CTNNA1: variants seen among roughly 807,000 people sequenced by gnomAD.
The protein encoded by CTNNA1 is catenin alpha-1.
A neutral mutation model predicts 98.4 loss-of-function variants in CTNNA1; 37 were observed. That is an observed-to-expected ratio of 0.38 (90% confidence interval 0.29 to 0.49). The LOEUF (loss-of-function observed/expected upper bound fraction) is 0.49, where lower values mean the gene tolerates loss of function less well. Ranked by LOEUF, CTNNA1 falls within the 20% of genes least tolerant of loss-of-function variation. The probability of loss-of-function intolerance (pLI) is 0.95; values close to 1 mark genes in which losing one functional copy is unlikely to be tolerated. For missense variants in CTNNA1, 761 were observed against 1,147.2 expected, an observed-to-expected ratio of 0.66 and a Z score of 4.86; for synonymous variants, 404 against 413.2, an observed-to-expected ratio of 0.98 and a Z score of 0.27.
At chr5:138,864,109 C>A (rs746654962) in intron 7 of CTNNA1, among the ~76,000 whole-genome samples, 1 of 152,146 alleles carries the variant, frequency 6.6e-6, no homozygotes, top group Non-Finnish European at 1.5e-5. Flanking sequence ...ACTACAGGTG[C>A]ACCACACCCA....
At chr5:138,867,634 TC>T (rs1316556838) in intron 7 of CTNNA1, among the ~76,000 whole-genome samples, 1 of 152,168 alleles carries the variant, frequency 6.6e-6, no homozygotes, top group Non-Finnish European at 1.5e-5. Context: ...TCCTTTTCTT[TC>T]TCTTCCTTCT....
rs1757730837 is a variant in CTNNA1, at chr5:138,802,966, TA to T, written c.302-7070del. On this transcript the variant is annotated intron_variant, in intron 3 of 17. Coordinates refer to ENST00000302763, the MANE Select transcript of CTNNA1 (RefSeq NM_001903.5). ...GCATGCACCGCCACACTTAGCTAAT[TA>T]ATTTTTTTTTTTTAAATAGAGACAG... 5.1e-5 allele frequency among the ~76,000 whole-genome samples: 4 copies of T among 78,278 alleles called. No homozygotes were observed. The South Asian group carries it at 1.3e-3, about 26-fold the overall frequency. The allele number at this position is 78,278 out of a possible 152,430, so 51.4% of individuals were successfully genotyped here. A position where few individuals can be genotyped will look rare whatever the true frequency, so the allele number is the denominator to read the frequency against.
At chr5:138,899,034 C>G (rs959994778) in intron 9 of CTNNA1, among the ~76,000 whole-genome samples, 3 of 152,176 alleles carry the variant, frequency 2.0e-5, no homozygotes, top group Non-Finnish European at 4.4e-5. Flanking sequence ...CTTTTCAAAT[C>G]TGCCTAATTA....
chr5:138,778,242 C>T (rs1754629586), intron 1 of CTNNA1, among the ~76,000 whole-genome samples: 1 of 152,062 alleles, frequency 6.6e-6, no homozygotes. Flanking sequence ...GATCCACCCG[C>T]CTTGGCCTCC....
intron 7 of CTNNA1, among the ~76,000 whole-genome samples, chr5:138,867,306 T>C (rs1404628558): frequency 6.6e-6 from 1 of 152,170 alleles, no homozygotes; most frequent in African/African-American, 2.4e-5. Context: ...GGGAAAAGGG[T>C]GGCTTTGCCT....
intron 7 of CTNNA1, among the ~76,000 whole-genome samples, chr5:138,842,164 G>A (rs1762326549): frequency 6.6e-6 from 1 of 152,148 alleles, no homozygotes; most frequent in Admixed American, 6.5e-5. Flanking sequence ...GCCGAGCATG[G>A]TGGCACACAC....
At chr5:138,894,641 CTGATTATGATTATGATTA>C (rs111801577) in intron 9 of CTNNA1, among the ~76,000 whole-genome samples, 10 of 150,810 alleles carry the variant, frequency 6.6e-5, no homozygotes, top group African/African-American at 1.7e-4. Flanking sequence ...TAGCAGCCTC[CTGATTATGATTATGATTA>C]TGATTATGAT....
intron 1 of CTNNA1, among the ~76,000 whole-genome samples, chr5:138,776,791 A>C (rs1391768291): frequency 9.0e-6 from 1 of 111,710 alleles, no homozygotes; most frequent in Non-Finnish European, 1.8e-5. Flanking sequence ...GCGGCTGGCC[A>C]GGCGGGGGGC....
At chr5:138,763,715 A>G (rs1752606548) in intron 1 of CTNNA1, among the ~76,000 whole-genome samples, 1 of 152,252 alleles carries the variant, frequency 6.6e-6, no homozygotes, top group Non-Finnish European at 1.5e-5. Flanking sequence ...AGAGGCTAAA[A>G]GGGAGAAGCA....
At chr5:138,812,604 A>G (rs1306800385) in intron 5 of CTNNA1, among the ~76,000 whole-genome samples, 1 of 152,216 alleles carries the variant, frequency 6.6e-6, no homozygotes, top group East Asian at 1.9e-4. Context: ...ATTAACCTGA[A>G]TTAGTGGTGC....
At chr5:138,917,679 G>C (rs190228527) in intron 10 of CTNNA1, 63 bp from the exon 11 acceptor site, 401 of 1,543,920 alleles carry the variant, frequency 2.6e-4, no homozygotes, top group Non-Finnish European at 3.4e-4. Context: ...CTAGTGAAAT[G>C]CATGTAAGAC....
chr5:138,873,035 A>C lies in CTNNA1; in HGVS notation c.1063-13177A>C. On this transcript the variant is annotated intron_variant, in intron 7 of 17. Transcript: ENST00000302763. The surrounding 1 kb of genome is among the most constrained non-coding windows in gnomAD (Gnocchi z 6.1). ...TTATACTTCACATTCTTTGTATGGCAGCTGCTGACACTTGCACTGTCCATA... is the reference window on the plus strand; with the variant it reads ...TTATACTTCACATTCTTTGTATGGCCGCTGCTGACACTTGCACTGTCCATA... 6.2e-7 allele frequency: 1 copy of C among 1,607,762 alleles called. No individual in the cohort carries two copies. The highest frequency in any genetic ancestry group is 1.3e-5 in the African/African-American group (1 of 74,818).
Position 138,841,100 on chromosome 5 carries a change from G to T in CTNNA1, c.1062+13382G>T, listed in dbSNP as rs192071016. 4.1e-4 allele frequency among the ~76,000 whole-genome samples: 63 copies of T among 152,202 alleles called. 2 individuals carry two copies. Among genetic ancestry groups the T allele is most frequent in the Admixed American group, 4.1e-3 (62 of 15,296 alleles). On this transcript the variant is annotated intron_variant, in intron 7 of 17. Coordinates refer to ENST00000302763, the MANE Select transcript of CTNNA1 (RefSeq NM_001903.5). ...TCAGTCATAATGCCAACTTAGAAGG[G>T]CACAAGTCTGTGGAATATGTTTTTA...
chr5:138,845,359 G>C (rs1762615955), intron 7 of CTNNA1, among the ~76,000 whole-genome samples: 1 of 152,060 alleles, frequency 6.6e-6, no homozygotes, highest in African/African-American at 2.4e-5. Context: ...AGTTTTAGGG[G>C]GTGTATATTT....
chr5:138,757,231 A>G (rs375783384), intron 1 of CTNNA1, among the ~76,000 whole-genome samples: 1 of 151,916 alleles, frequency 6.6e-6, no homozygotes, highest in East Asian at 1.9e-4. Flanking sequence ...GGAGGGAGGA[A>G]GGAAGGAGAA....
intron 7 of CTNNA1, among the ~76,000 whole-genome samples, chr5:138,866,700 TG>T (rs1226412665): frequency 6.6e-6 from 1 of 152,218 alleles, no homozygotes; most frequent in Non-Finnish European, 1.5e-5. Context: ...GATGCTTGAT[TG>T]TACTTGACTT....
intron 3 of CTNNA1, among the ~76,000 whole-genome samples, chr5:138,792,535 G>A (rs545534268): frequency 3.9e-5 from 6 of 152,328 alleles, no homozygotes; most frequent in African/African-American, 1.4e-4. Context: ...GAGGCAGAAT[G>A]GAATCTGGGT....
At chr5:138,861,140 C>T (rs1488106227) in intron 7 of CTNNA1, among the ~76,000 whole-genome samples, 1 of 152,028 alleles carries the variant, frequency 6.6e-6, no homozygotes, top group Non-Finnish European at 1.5e-5. Flanking sequence ...TCTGCCTCAG[C>T]CTCCTGAGTG....
chr5:138,761,276 CCAGTCTGGAGTG>C (rs753157600), intron 1 of CTNNA1, among the ~76,000 whole-genome samples: 22 of 152,114 alleles, frequency 1.4e-4, no homozygotes, highest in Non-Finnish European at 2.9e-4. Flanking sequence ...ACCCTGTCGC[CCAGTCTGGAGTG>C]CAGTGGCATG....
Sources: allele counts gnomAD v4.1 joint callset (sites outside exome capture counted in the v4.1 genomes callset), GRCh38; gene constraint gnomAD v4.1.1; non-coding constraint Gnocchi (gnomAD v3.1); transcripts MANE v1.5; gene names NCBI Gene and HGNC (gene_info 2026-07-23, HGNC 2026-07-21).